The following TOP2B variants were observed in gnomAD, a reference collection of about 807,000 sequenced individuals.
TOP2B encodes DNA topoisomerase II beta.
In TOP2B, 51 loss-of-function variants were observed where a neutral mutation model predicts 193.5. The observed-to-expected ratio is 0.26, with a 90% CI of 0.21 to 0.33. The LOEUF is 0.33. Ranked by LOEUF, TOP2B falls within the 10% of genes least tolerant of loss-of-function variation. The pLI is 1.00. For synonymous variants in TOP2B, 634 were observed against 635.7 expected (o/e 1.00, Z 0.04); for missense variants, 1,378 against 1,909.3 (o/e 0.72, Z 5.19).
chr3:25,643,679 T>C lies in TOP2B; in HGVS notation c.331+15A>G. The C allele has an allele frequency of 1.9e-6, 3 of 1,594,268 alleles. No individual in the cohort carries two copies. The highest frequency in any genetic ancestry group is 2.6e-6 in the Non-Finnish European group (3 of 1,162,634). ...ATTAATAGAAACATGCATTAAATCCTAAGCAAGTACTCACCCAAAATTTCA... is the reference window on the plus strand; with the variant it reads ...ATTAATAGAAACATGCATTAAATCCCAAGCAAGTACTCACCCAAAATTTCA... On this transcript the variant is annotated intron_variant, in intron 3 of 35. Coordinates refer to ENST00000264331, the MANE Select transcript of TOP2B (RefSeq NM_001330700.2).
rs1456452061 is a variant in TOP2B, at chr3:25,620,687, T to C, written c.2857A>G (p.Thr953Ala). 1.9e-6 allele frequency: 3 copies of C among 1,612,172 alleles called. No homozygotes were observed. The highest frequency in any genetic ancestry group is 2.2e-5 in the East Asian group (1 of 44,828). The change falls in exon 22 of 36, where the codon ACA becomes GCA. Residue 953 changes from threonine (T) to alanine (A), a missense_variant. Thr to Ala is a moderately conservative substitution (Grantham distance 58, BLOSUM62 0). Around this residue, in one of 9 missense-constraint regions of TOP2B, gnomAD observed 379 missense variants for 615.1 expected, o/e 0.62. Transcript: ENST00000264331. ...EITELPVRTW[T>A]QVYKEQVLEP... ...GATCACATATTTACACTGACCTGTGTCCAAGTTCTAACTGGAAGCTCTGTA... is the reference window on the plus strand; with the variant it reads ...GATCACATATTTACACTGACCTGTGCCCAAGTTCTAACTGGAAGCTCTGTA...
chr3:25,627,859 C>T (rs545825293), intron 15 of TOP2B, among the ~76,000 whole-genome samples: 9 of 151,316 alleles, frequency 5.9e-5, no homozygotes, highest in Admixed American at 3.3e-4. Context: ...CACTTAAGGC[C>T]GGGACTTCTA....
chr3:25,608,791 T>C (rs897367688), intron 30 of TOP2B, among the ~76,000 whole-genome samples: 11 of 152,152 alleles, frequency 7.2e-5, no homozygotes, highest in African/African-American at 2.7e-4. Context: ...AAGAGAGCTA[T>C]GTACTCAGAC....
At chr3:25,652,137 G>A (rs1703608995) in intron 1 of TOP2B, among the ~76,000 whole-genome samples, 2 of 152,192 alleles carry the variant, frequency 1.3e-5, no homozygotes, top group Admixed American at 1.3e-4. Flanking sequence ...CAATTCACCA[G>A]TAAGATATGC....
At chr3:25,626,991 TA>T in intron 16 of TOP2B, 127 bp from the exon 17 acceptor site, 1 of 729,474 alleles carries the variant, frequency 1.4e-6, no homozygotes, top group Non-Finnish European at 2.2e-6. Flanking sequence ...TACAATATTT[TA>T]ATCAAAAACA....
intron 34 of TOP2B, 123 bp downstream of exon 34, chr3:25,600,977 C>T (rs1702076788): frequency 1.0e-6 from 1 of 956,900 alleles, no homozygotes; most frequent in Non-Finnish European, 1.5e-6. Flanking sequence ...ACACTGCTTA[C>T]TGAGGAGTAA....
chr3:25,608,027 C>A (rs1377781781), intron 30 of TOP2B, among the ~76,000 whole-genome samples: 3 of 151,868 alleles, frequency 2.0e-5, no homozygotes, highest in Non-Finnish European at 4.4e-5. Flanking sequence ...TCAAGTGATC[C>A]TCCCTCCTCA....
chr3:25,642,289 T>C, intron 4 of TOP2B, 33 bp downstream of exon 4: 1 of 1,343,658 alleles, frequency 7.4e-7, no homozygotes. Context: ...GAATAAAACT[T>C]AGCATAAAAA....
At chr3:25,616,773 G>A (rs1702516183) in intron 25 of TOP2B, among the ~76,000 whole-genome samples, 1 of 151,838 alleles carries the variant, frequency 6.6e-6, no homozygotes, top group African/African-American at 2.4e-5. Flanking sequence ...AGTGGGTCTA[G>A]TCTATTAGAT....
In TOP2B at chr3:25,598,429, G is replaced by C. The variant is rs371211985; in HGVS notation, c.4759C>G (p.Pro1587Ala). 6 of 1,612,630 alleles carry C rather than the reference G, an allele frequency of 3.7e-6. No homozygotes were observed. The African/African-American group carries it at 6.7e-5, about 18-fold the overall frequency. ...FDQDSDVDIF[P>A]SDFPTEPPSL... ...GGTGGCTCAGTAGGGAAGTCTGAGG[G>C]GAAGATGTCCACATCTGAATCCTGA... Residue 1587 changes from proline (P) to alanine (A), a missense_variant, in exon 36 of 36, where the codon CCC (proline) becomes GCC (alanine). Pro to Ala is a conservative substitution (Grantham distance 27). Around this residue, in one of 9 missense-constraint regions of TOP2B, gnomAD observed 556 missense variants for 584.2 expected, o/e 0.95. Transcript: ENST00000264331.
In TOP2B at chr3:25,609,190, T is replaced by G; in HGVS notation, c.4086A>C (p.Arg1362Ser). ...TTAAATGTGTTACAATACCTGCTGC[T>G]CTCCTAAGCAAAGAATCTCTTGGAA... ...VVIPRDSLLR[R>S]AAAERPKYTF... Residue 1362 changes from arginine to serine, a missense_variant, in exon 30 of 36, where the codon AGA (arginine) becomes AGC (serine). Arg to Ser is a moderately radical substitution (Grantham distance 110). Transcript: ENST00000264331. The G allele has an allele frequency of 6.2e-7, 1 of 1,606,862 alleles. No individual in the cohort carries two copies. Among genetic ancestry groups the G allele is most frequent in the Non-Finnish European group, 8.5e-7 (1 of 1,176,262 alleles).
At chr3:25,599,563 G>A (rs766140666) in intron 34 of TOP2B, 34 bp from the exon 35 acceptor site, 1 of 1,571,278 alleles carries the variant, frequency 6.4e-7, no homozygotes, top group South Asian at 1.2e-5. Flanking sequence ...TTCTTCCGTG[G>A]TTAAGTGCAA....
At chr3:25,617,682 A>C (rs1185611471) in intron 25 of TOP2B, among the ~76,000 whole-genome samples, 4 of 152,216 alleles carry the variant, frequency 2.6e-5, no homozygotes, top group African/African-American at 9.6e-5. Context: ...TTAATCATTC[A>C]ACTTTTCTTC....
chr3:25,631,796 A>G (rs540305361), intron 10 of TOP2B, among the ~76,000 whole-genome samples: 17 of 152,178 alleles, frequency 1.1e-4, no homozygotes, highest in Middle Eastern at 6.8e-3. Context: ...CAAAAGTACT[A>G]TTTCTACAGG....
At chr3:25,641,685 C>T (rs958913127) in intron 4 of TOP2B, among the ~76,000 whole-genome samples, 1 of 151,848 alleles carries the variant, frequency 6.6e-6, no homozygotes, top group African/African-American at 2.4e-5. Context: ...AAGACTATAC[C>T]TGAATTATTA....
At chr3:25,622,499 C>A (rs1702684043) in intron 21 of TOP2B, among the ~76,000 whole-genome samples, 1 of 151,770 alleles carries the variant, frequency 6.6e-6, no homozygotes, top group Non-Finnish European at 1.5e-5. Flanking sequence ...CTACAATAAA[C>A]ATTATCATTT....
chr3:25,646,497 C>T (rs1049923555), intron 1 of TOP2B, among the ~76,000 whole-genome samples: 1 of 152,142 alleles, frequency 6.6e-6, no homozygotes, highest in African/African-American at 2.4e-5. Context: ...TTCTTAAGAG[C>T]AGCAGAGAAT....
At chr3:25,599,796 C>T (rs1458963721) in intron 34 of TOP2B, among the ~76,000 whole-genome samples, 1 of 152,204 alleles carries the variant, frequency 6.6e-6, no homozygotes, top group Admixed American at 6.5e-5. Context: ...ATACATAAAA[C>T]ATTTGTATTT....
chr3:25,644,455 C>T (rs1703355125), intron 2 of TOP2B, among the ~76,000 whole-genome samples: 1 of 152,010 alleles, frequency 6.6e-6, no homozygotes, highest in Admixed American at 6.5e-5. Flanking sequence ...AATCCTAGCA[C>T]TCTGGGGGGC....
Sources: gnomAD v4.1 joint callset for allele counts (sites outside exome capture counted in the v4.1 genomes callset) on GRCh38, gnomAD v4.1.1 for gene constraint, gnomAD v4.1.1 regional missense constraint, MANE v1.5 for transcripts, NCBI Gene and HGNC (gene_info 2026-07-23, HGNC 2026-07-21) for gene names.